The following SCHIP1 variants were observed in gnomAD, a reference collection of about 807,000 sequenced individuals.
The protein encoded by SCHIP1 is schwannomin interacting protein 1.
In SCHIP1, 8 loss-of-function variants were observed where a neutral mutation model predicts 29.7. That is an observed-to-expected ratio of 0.27 (90% CI 0.16 to 0.49). The LOEUF is 0.49. Ranked by LOEUF, SCHIP1 falls within the 20% of genes least tolerant of loss-of-function variation. SCHIP1 has a pLI of 0.99. For synonymous variants in SCHIP1, 76 were observed against 94.9 expected, an observed-to-expected ratio of 0.80 and a Z score of 1.16; for missense variants, 193 against 294.6, an observed-to-expected ratio of 0.66 and a Z score of 2.52.
the SCHIP1 span, among the ~76,000 whole-genome samples, chr3:159,285,002 C>T: frequency 6.6e-6 from 1 of 151,924 alleles, no homozygotes; most frequent in African/African-American, 2.4e-5. Flanking sequence ...TTTCCTATAA[C>T]TCAACTATTA....
chr3:159,535,791 C>T, the SCHIP1 span, among the ~76,000 whole-genome samples: 1 of 152,174 alleles, frequency 6.6e-6, no homozygotes, highest in African/African-American at 2.4e-5. Context: ...TTGCAGGTCA[C>T]ATCCAGTTGC....
At chr3:159,303,007 C>A in the SCHIP1 span, among the ~76,000 whole-genome samples, 2 of 152,098 alleles carry the variant, frequency 1.3e-5, no homozygotes, top group Admixed American at 6.5e-5. Flanking sequence ...AAGTATTATA[C>A]TATTATCTCC....
chr3:159,420,931 G>T, the SCHIP1 span, among the ~76,000 whole-genome samples: 8 of 152,180 alleles, frequency 5.3e-5, no homozygotes, highest in African/African-American at 1.9e-4. Context: ...TTTGTTTATG[G>T]ATTAGATTCA....
At chr3:159,436,067 G>C in the SCHIP1 span, among the ~76,000 whole-genome samples, 1 of 152,106 alleles carries the variant, frequency 6.6e-6, no homozygotes, top group Non-Finnish European at 1.5e-5. Flanking sequence ...GAAAATGATA[G>C]TGAACAGAAA....
At chr3:159,629,215 G>C in the SCHIP1 span, among the ~76,000 whole-genome samples, 1 of 151,730 alleles carries the variant, frequency 6.6e-6, no homozygotes, top group African/African-American at 2.4e-5. Context: ...GGAGGTCCAG[G>C]CTGCAGTGAC....
intron 1 of SCHIP1, among the ~76,000 whole-genome samples, chr3:159,844,708 A>G (rs7648959): frequency 0.36 from 54,832 of 152,138 alleles, 10,891 homozygotes; most frequent in African/African-American, 0.53. Flanking sequence ...CGAAGGGTCC[A>G]TTTTGCTTAA....
At chr3:159,507,509 T>A in the SCHIP1 span, among the ~76,000 whole-genome samples, 4 of 152,182 alleles carry the variant, frequency 2.6e-5, no homozygotes, top group Non-Finnish European at 4.4e-5. Flanking sequence ...CTAGGTTGAA[T>A]AGGAGTGGTG....
At chr3:159,543,123 A>G in the SCHIP1 span, among the ~76,000 whole-genome samples, 21 of 144,214 alleles carry the variant, frequency 1.5e-4, no homozygotes, top group African/African-American at 4.4e-4. Flanking sequence ...GTGTGTATAT[A>G]TATATATATA....
the SCHIP1 span, among the ~76,000 whole-genome samples, chr3:159,690,076 GCC>G: frequency 2.2e-3 from 339 of 152,204 alleles, 2 homozygotes; most frequent in African/African-American, 7.8e-3. Flanking sequence ...TTGTGTTTCT[GCC>G]AGGTTTTGGT....
At chr3:159,596,812 G>C in the SCHIP1 span, among the ~76,000 whole-genome samples, 2 of 151,954 alleles carry the variant, frequency 1.3e-5, no homozygotes, top group South Asian at 4.2e-4. Flanking sequence ...GTGGGTGGAG[G>C]GGGGAGGGAT....
the SCHIP1 span, among the ~76,000 whole-genome samples, chr3:159,708,911 C>T: frequency 6.6e-6 from 1 of 152,198 alleles, no homozygotes; most frequent in African/African-American, 2.4e-5. Context: ...GGGATGAATA[C>T]TCTTACATCT....
At chr3:159,808,590 C>T in the SCHIP1 span, 2 of 152,238 alleles carry the variant, frequency 1.3e-5, no homozygotes, top group African/African-American at 4.8e-5. Context: ...CTTTCTCACT[C>T]TCCAGTCTTT....
At chr3:159,325,753 C>A in the SCHIP1 span, among the ~76,000 whole-genome samples, 1 of 152,060 alleles carries the variant, frequency 6.6e-6, no homozygotes, top group Non-Finnish European at 1.5e-5. Context: ...TGCTCTCCTA[C>A]TCAAGAAACA....
chr3:159,751,792 T>C, the SCHIP1 span, among the ~76,000 whole-genome samples: 572 of 152,234 alleles, frequency 3.8e-3, 3 homozygotes, highest in African/African-American at 0.013. Flanking sequence ...ATGATCTGCC[T>C]GCCTTGGCCT....
upstream of SCHIP1, among the ~76,000 whole-genome samples, chr3:159,835,755 C>A (rs1374099951): frequency 2.0e-5 from 3 of 152,124 alleles, no homozygotes; most frequent in African/African-American, 7.2e-5. Flanking sequence ...AGAAAGTTTC[C>A]TATGCCCCTT....
chr3:159,799,322 T>G, the SCHIP1 span, among the ~76,000 whole-genome samples: 10 of 152,190 alleles, frequency 6.6e-5, no homozygotes, highest in Admixed American at 3.9e-4. Context: ...TCCCCAGACT[T>G]GCATTTGAAT....
At chr3:159,495,783 A>G in the SCHIP1 span, among the ~76,000 whole-genome samples, 3 of 152,212 alleles carry the variant, frequency 2.0e-5, no homozygotes, top group East Asian at 1.9e-4. Flanking sequence ...CAACCAAAAA[A>G]CAGCCCGCAT....
chr3:159,694,568 GAAA>G, the SCHIP1 span, among the ~76,000 whole-genome samples: 2 of 147,502 alleles, frequency 1.4e-5, no homozygotes, highest in East Asian at 2.0e-4. Context: ...AAGAAAGAAA[GAAA>G]GAAAGAAAGA....
chr3:159,507,766 C>T, the SCHIP1 span, among the ~76,000 whole-genome samples: 7 of 152,230 alleles, frequency 4.6e-5, no homozygotes, highest in South Asian at 1.2e-3. Flanking sequence ...TGCTGGATTA[C>T]GTTTATTGAT....
Sources: allele counts gnomAD v4.1 joint callset (sites outside exome capture counted in the v4.1 genomes callset), GRCh38; gene constraint gnomAD v4.1.1; transcripts MANE v1.5; gene names NCBI Gene and HGNC (gene_info 2026-07-23, HGNC 2026-07-21).